The following DSCAM variants were observed in gnomAD, a reference collection of about 807,000 sequenced individuals.
DSCAM encodes the protein cell adhesion molecule DSCAM.
In DSCAM, 47 loss-of-function variants were observed where a neutral mutation model predicts 217.7. That is an observed-to-expected ratio of 0.22 (90% CI 0.17 to 0.28). The LOEUF (loss-of-function observed/expected upper bound fraction) is 0.28. Among genes scored for constraint, DSCAM ranks in the 10% least tolerant of loss-of-function variants. The pLI is 1.00. For synonymous variants in DSCAM, 1,056 were observed against 1,015.3 expected, an observed-to-expected ratio of 1.04 and a Z score of -0.76; for missense variants, 2,080 against 2,618.3, an observed-to-expected ratio of 0.79 and a Z score of 4.49.
At chr21:40,537,410 C>A (rs1334481292) in intron 3 of DSCAM, among the ~76,000 whole-genome samples, 1 of 152,154 alleles carries the variant, frequency 6.6e-6, no homozygotes, top group African/African-American at 2.4e-5. Flanking sequence ...AGAAAACTAA[C>A]ATTGTTTATT....
chr21:40,356,493 T>C (rs780500738), intron 4 of DSCAM, among the ~76,000 whole-genome samples: 23 of 152,000 alleles, frequency 1.5e-4, no homozygotes, highest in Non-Finnish European at 2.8e-4. Flanking sequence ...AAAAATAAAC[T>C]CTAGCCAAGG....
chr21:40,613,177 A>G (rs928068988), intron 3 of DSCAM, among the ~76,000 whole-genome samples: 4 of 152,210 alleles, frequency 2.6e-5, no homozygotes, highest in Admixed American at 2.6e-4. Context: ...TTAGATAAAG[A>G]TTAAAACATA....
At chr21:40,650,384 T>C (rs574397372) in intron 3 of DSCAM, among the ~76,000 whole-genome samples, 11 of 152,328 alleles carry the variant, frequency 7.2e-5, no homozygotes, top group African/African-American at 2.6e-4. Context: ...ATGTGTCAAC[T>C]TGACTGGGTT....
In DSCAM at chr21:40,708,629, C is replaced by A; in HGVS notation, c.186G>T (p.Thr62=). Residue 62 remains threonine (T), a synonymous_variant, in exon 2 of 33, where the codon ACG becomes ACT. Coordinates refer to ENST00000400454, the MANE Select transcript of DSCAM (RefSeq NM_001389.5). ...PPVTLRWYLA[T]GEEIYDVPGI... ...CGGGGACATCGTAGATCTCCTCGCC[C>A]GTGGCTAGGTACCATCTGAGAGTCA... The A allele has an allele frequency of 1.9e-6, 3 of 1,612,970 alleles. No homozygotes were observed. Among genetic ancestry groups the A allele is most frequent in the Non-Finnish European group, 2.5e-6 (3 of 1,179,510 alleles).
chr21:40,388,538 T>A (rs2075106708), intron 3 of DSCAM, among the ~76,000 whole-genome samples: 1 of 152,172 alleles, frequency 6.6e-6, no homozygotes, highest in African/African-American at 2.4e-5. Flanking sequence ...TCTTTACTGT[T>A]TGAGAAACCA....
chr21:40,072,649 C>T (rs1008278628), intron 27 of DSCAM, among the ~76,000 whole-genome samples: 2 of 152,114 alleles, frequency 1.3e-5, no homozygotes, highest in African/African-American at 2.4e-5. Context: ...CACCCGGCCT[C>T]TCCTGTCAGA....
At chr21:40,138,291 A>G (rs9975609) in intron 18 of DSCAM, among the ~76,000 whole-genome samples, 29,428 of 145,254 alleles carry the variant, frequency 0.2, 3,548 homozygotes, top group East Asian at 0.28. Context: ...GTGTGTGTGT[A>G]CCTGTGTGCG....
chr21:40,770,750 G>A (rs904670565), intron 1 of DSCAM, among the ~76,000 whole-genome samples: 2 of 152,216 alleles, frequency 1.3e-5, no homozygotes, highest in Non-Finnish European at 2.9e-5. Flanking sequence ...GAAAAAAACT[G>A]AGGCACAGAA....
chr21:40,690,811 T>C (rs1234310968), intron 3 of DSCAM, among the ~76,000 whole-genome samples: 1 of 152,226 alleles, frequency 6.6e-6, no homozygotes, highest in Admixed American at 6.5e-5. Flanking sequence ...ACACGTATTA[T>C]GCATAACCAA....
intron 14 of DSCAM, among the ~76,000 whole-genome samples, chr21:40,182,635 G>A (rs1239857229): frequency 3.1e-5 from 4 of 127,300 alleles, no homozygotes; most frequent in South Asian, 2.6e-4. Flanking sequence ...CAGAGAAACC[G>A]TGGACAGGAG....
At chr21:40,188,618 A>AT (rs890643226) in intron 12 of DSCAM, among the ~76,000 whole-genome samples, 25 of 149,414 alleles carry the variant, frequency 1.7e-4, no homozygotes, top group East Asian at 9.8e-4. Context: ...TTAACGACAG[A>AT]TTTTTTTTTT....
At chr21:40,596,217 T>C (rs1010325316) in intron 3 of DSCAM, among the ~76,000 whole-genome samples, 14 of 152,230 alleles carry the variant, frequency 9.2e-5, no homozygotes, top group South Asian at 2.1e-4. Context: ...GAAAAGTAGA[T>C]GTTTTAGAAA....
intron 8 of DSCAM, among the ~76,000 whole-genome samples, chr21:40,334,747 G>C (rs1227484933): frequency 3.3e-5 from 5 of 152,024 alleles, no homozygotes; most frequent in Admixed American, 2.6e-4. Context: ...TACTAGACTG[G>C]AAGTATTCTC....
rs1377461594 is a variant in DSCAM, at chr21:40,017,009, A to G, written c.5687-3623T>C. 2.0e-5 allele frequency among the ~76,000 whole-genome samples: 3 copies of G among 151,884 alleles called. No homozygotes were observed. In the East Asian group the frequency reaches 5.8e-4, roughly 29 times the overall value. The stretch of plus-strand genomic sequence containing the variant: ...TACACGCCTGTAATCCCAGCTACTC[A>G]GGAGGCTGAGGCAGGAGAATCTTTT... On this transcript the variant is annotated intron_variant, in intron 32 of 32. Coordinates refer to ENST00000400454, the MANE Select transcript of DSCAM (RefSeq NM_001389.5).
At chr21:40,825,176 C>G (rs556153084) in intron 1 of DSCAM, among the ~76,000 whole-genome samples, 1 of 152,236 alleles carries the variant, frequency 6.6e-6, no homozygotes, top group South Asian at 2.1e-4. Context: ...GTTCTAAGAA[C>G]TGAAGATACT....
intron 5 of DSCAM, among the ~76,000 whole-genome samples, chr21:40,349,136 CAAAAAAA>C (rs758386936): frequency 1.0e-4 from 4 of 38,724 alleles, no homozygotes; most frequent in African/African-American, 3.9e-4. Flanking sequence ...GACTCCATCT[CAAAAAAA>C]AAAAAAAAAA....
At position 40,546,186 on chromosome 21, in the gene DSCAM, G is replaced by A. The variant is rs538450658; in HGVS notation, c.508+146624C>T. Among the ~76,000 whole-genome samples, 22 of 152,288 alleles carry A rather than the reference G, an allele frequency of 1.4e-4. No homozygotes were observed. The South Asian group carries it at 4.2e-3, about 29-fold the overall frequency. On this transcript the variant is annotated intron_variant, in intron 3 of 32. Coordinates refer to ENST00000400454, the MANE Select transcript of DSCAM (RefSeq NM_001389.5). ...TAAGGTGTAGAGAAGTCCTTTTCTT[G>A]GGAAAATGATTCACAAGGCATCTAT... is the stretch of plus-strand genomic sequence containing the variant.
chr21:40,081,791 T>C (rs1272341765), intron 24 of DSCAM, among the ~76,000 whole-genome samples: 1 of 152,206 alleles, frequency 6.6e-6, no homozygotes, highest in Non-Finnish European at 1.5e-5. Context: ...CTCCTGATGA[T>C]GGCAATGGCT....
At chr21:40,018,970 G>A (rs1490934011) in intron 32 of DSCAM, among the ~76,000 whole-genome samples, 1 of 152,140 alleles carries the variant, frequency 6.6e-6, no homozygotes, top group African/African-American at 2.4e-5. Flanking sequence ...TCTGATTAGC[G>A]TCCAAAGTAG....
Sources: allele counts gnomAD v4.1 joint callset (sites outside exome capture counted in the v4.1 genomes callset), GRCh38; gene constraint gnomAD v4.1.1; transcripts MANE v1.5; gene names NCBI Gene and HGNC (gene_info 2026-07-23, HGNC 2026-07-21).